The following SLC27A6 variants were observed in gnomAD, a reference collection of about 807,000 sequenced individuals.
SLC27A6 encodes the protein long-chain fatty acid transport protein 6.
Under a neutral mutation model 63.9 loss-of-function variants are expected in SLC27A6, and 74 were observed. The ratio of observed to expected loss-of-function variants is 1.16; its 90% confidence interval spans 0.96 to 1.40. The LOEUF is 1.40. SLC27A6 is among the 40% of genes most tolerant of loss of function. SLC27A6 has a pLI of 0.00. For missense variants in SLC27A6, 794 were observed against 732.9 expected (o/e 1.08, Z -0.96); for synonymous variants, 287 against 260.8 (o/e 1.10, Z -0.97).
intron 1 of SLC27A6, among the ~76,000 whole-genome samples, chr5:128,974,398 G>T (rs1750303637): frequency 6.6e-6 from 1 of 151,978 alleles, no homozygotes; most frequent in South Asian, 2.1e-4. Context: ...CATTCTTTCT[G>T]GCATACCTTC....
chr5:128,985,212 A>T lies in SLC27A6; in HGVS notation c.561A>T (p.Pro187=), dbSNP rs1750746607. 3 of 1,613,940 alleles carry T rather than the reference A, an allele frequency of 1.9e-6. No individual in the cohort carries two copies. Among genetic ancestry groups the T allele is most frequent in the Non-Finnish European group, 2.5e-6 (3 of 1,179,872 alleles). The part of the protein sequence containing the change: ...ISVWGMKDSV[P]QGVISLKEKL... ...TTTGGGGGATGAAAGATTCTGTTCCACAAGGTGTAATTTCACTCAAAGAAA... is the reference window on the plus strand; with the variant it reads ...TTTGGGGGATGAAAGATTCTGTTCCTCAAGGTGTAATTTCACTCAAAGAAA... Residue 187 remains proline (P), a synonymous_variant, in exon 2 of 10, where the codon CCA becomes CCT. Transcript: ENST00000262462.
chr5:129,010,515 G>A (rs560312464), intron 4 of SLC27A6, among the ~76,000 whole-genome samples: 71 of 152,296 alleles, frequency 4.7e-4, no homozygotes, highest in African/African-American at 1.6e-3. Flanking sequence ...AAGCAAGGAA[G>A]ACTCAGCATA....
intron 4 of SLC27A6, among the ~76,000 whole-genome samples, chr5:129,008,856 T>C (rs1052685208): frequency 2.1e-4 from 31 of 150,372 alleles, no homozygotes; most frequent in African/African-American, 7.3e-4. Flanking sequence ...ATCTTATTAT[T>C]TTCAATTGAT....
chr5:129,026,988 A>G, intron 6 of SLC27A6, 145 bp from the exon 7 acceptor site: 1 of 645,562 alleles, frequency 1.5e-6, no homozygotes, highest in Non-Finnish European at 2.7e-6. Flanking sequence ...CCAAGGGTAA[A>G]TGATGTCAAA....
At chr5:128,986,572 A>T (rs1011427482) in intron 2 of SLC27A6, among the ~76,000 whole-genome samples, 1 of 152,236 alleles carries the variant, frequency 6.6e-6, no homozygotes. Context: ...TGGAGAATAT[A>T]ATTTTTTTTT....
intron 6 of SLC27A6, 80 bp from the exon 7 acceptor site, chr5:129,027,053 G>A (rs904398516): frequency 1.7e-6 from 2 of 1,184,580 alleles, no homozygotes; most frequent in African/African-American, 1.5e-5. Context: ...GTGCTGGCCA[G>A]ATATAATATA....
chr5:128,973,588 GAT>G (rs1165416413), intron 1 of SLC27A6, among the ~76,000 whole-genome samples: 1 of 152,214 alleles, frequency 6.6e-6, no homozygotes, highest in Non-Finnish European at 1.5e-5. Context: ...CCAGGCACGG[GAT>G]ATAGTTTCCT....
chr5:129,032,017 T>C (rs1267529607), intron 9 of SLC27A6, among the ~76,000 whole-genome samples: 2 of 151,946 alleles, frequency 1.3e-5, no homozygotes, highest in East Asian at 3.9e-4. Flanking sequence ...TTGTAGGGTC[T>C]CTACATGTCA....
chr5:128,966,756 A>G (rs1016364188), intron 1 of SLC27A6, 138 bp downstream of exon 1: 9 of 905,134 alleles, frequency 9.9e-6, no homozygotes, highest in African/African-American at 5.1e-5. Flanking sequence ...AAATAGTTTT[A>G]TGATTCTATG....
intron 6 of SLC27A6, among the ~76,000 whole-genome samples, chr5:129,025,007 A>G (rs780831809): frequency 1.5e-4 from 23 of 152,188 alleles, no homozygotes; most frequent in Admixed American, 3.9e-4. Flanking sequence ...ATAATTTCTG[A>G]GCAGAGTGCA....
At chr5:129,010,603 A>T (rs1367045814) in intron 4 of SLC27A6, among the ~76,000 whole-genome samples, 1 of 152,200 alleles carries the variant, frequency 6.6e-6, no homozygotes, top group Non-Finnish European at 1.5e-5. Flanking sequence ...CCTATGTGGA[A>T]GAACTGGAGA....
chr5:129,008,049 G>A (rs1751604033), intron 4 of SLC27A6, among the ~76,000 whole-genome samples: 1 of 151,878 alleles, frequency 6.6e-6, no homozygotes, highest in East Asian at 1.9e-4. Flanking sequence ...TTTATATAGT[G>A]AGATTATATA....
At chr5:129,009,820 G>A (rs1316292206) in intron 4 of SLC27A6, among the ~76,000 whole-genome samples, 1 of 151,936 alleles carries the variant, frequency 6.6e-6, no homozygotes, top group East Asian at 1.9e-4. Flanking sequence ...GACTACAGGT[G>A]CACGCTGCCA....
chr5:129,003,614 A>T (rs1751419499), intron 4 of SLC27A6, among the ~76,000 whole-genome samples: 1 of 152,146 alleles, frequency 6.6e-6, no homozygotes, highest in African/African-American at 2.4e-5. Flanking sequence ...AGGTGGGAGG[A>T]TCACTTGAGC....
intron 1 of SLC27A6, among the ~76,000 whole-genome samples, chr5:128,974,623 G>A (rs1018004049): frequency 6.6e-6 from 1 of 152,162 alleles, no homozygotes; most frequent in East Asian, 1.9e-4. Flanking sequence ...TTCTGATGGT[G>A]TACTATTAAA....
intron 4 of SLC27A6, among the ~76,000 whole-genome samples, chr5:128,992,986 A>G (rs1042963665): frequency 7.2e-5 from 11 of 152,214 alleles, no homozygotes; most frequent in Admixed American, 4.6e-4. Flanking sequence ...ACTTATTTCT[A>G]AAATTTACCA....
At chr5:129,008,214 C>A (rs1751611059) in intron 4 of SLC27A6, among the ~76,000 whole-genome samples, 1 of 152,062 alleles carries the variant, frequency 6.6e-6, no homozygotes, top group Non-Finnish European at 1.5e-5. Flanking sequence ...GCATGGTCTT[C>A]TGGGTTTTCT....
intron 4 of SLC27A6, among the ~76,000 whole-genome samples, chr5:128,990,840 C>G (rs971898715): frequency 7.9e-5 from 12 of 152,202 alleles, no homozygotes; most frequent in African/African-American, 2.9e-4. Flanking sequence ...TGGCGAGCCT[C>G]TAGCCCGATT....
chr5:128,982,931 C>G (rs1432135552), intron 1 of SLC27A6, among the ~76,000 whole-genome samples: 1 of 152,170 alleles, frequency 6.6e-6, no homozygotes, highest in African/African-American at 2.4e-5. Flanking sequence ...GTGTTGCCTT[C>G]TATTTTCATA....
Sources: gnomAD v4.1 joint callset for allele counts (sites outside exome capture counted in the v4.1 genomes callset) on GRCh38, gnomAD v4.1.1 for gene constraint, MANE v1.5 for transcripts, NCBI Gene and HGNC (gene_info 2026-07-23, HGNC 2026-07-21) for gene names.